Variants in MTR observed in about 807,000 individuals in gnomAD.
MTR encodes the protein methionine synthase.
Under a neutral mutation model 154.8 loss-of-function variants are expected in MTR, and 84 were observed. The ratio of observed to expected loss-of-function variants is 0.54; its 90% CI spans 0.45 to 0.65. MTR has a LOEUF of 0.65. Among genes scored for constraint, MTR ranks in the 30% least tolerant of loss-of-function variants. MTR has a pLI of 0.00. For synonymous variants in MTR, 554 were observed against 553.9 expected (o/e 1.00, Z 0.00); for missense variants, 1,275 against 1,570.2 (o/e 0.81, Z 3.18).
At chr1:236,883,460 G>A (rs952143337) in intron 25 of MTR, among the ~76,000 whole-genome samples, 3 of 152,286 alleles carry the variant, frequency 2.0e-5, no homozygotes, top group South Asian at 4.1e-4. Flanking sequence ...TCAGGGGGTC[G>A]TAGATTCTCT....
intron 15 of MTR, among the ~76,000 whole-genome samples, chr1:236,843,308 C>T (rs1339801716): frequency 6.6e-6 from 1 of 151,986 alleles, no homozygotes; most frequent in African/African-American, 2.4e-5. Context: ...CAGAGGGAAT[C>T]TTGAGGTAGA....
chr1:236,902,955 T>C lies in MTR; in HGVS notation c.*5311T>C, dbSNP rs760390159. On this transcript the variant is annotated 3_prime_UTR_variant, in exon 33 of 33. Coordinates refer to ENST00000366577, the MANE Select transcript of MTR (RefSeq NM_000254.3). ...GATTCGGTGTGTGTATAAGGAAATATACACCAGTATATGCATTAAAACGTC... is the reference window on the plus strand; with the variant it reads ...GATTCGGTGTGTGTATAAGGAAATACACACCAGTATATGCATTAAAACGTC... The C allele has an allele frequency of 3.3e-5, 5 of 152,162 alleles. No individual in the cohort carries two copies. Among genetic ancestry groups the C allele is most frequent in the African/African-American group, 7.2e-5 (3 of 41,436 alleles). The allele number at this position is 152,162 out of a possible 1,614,324, so 9.4% of individuals were successfully genotyped here. A position where few individuals can be genotyped will look rare whatever the true frequency, so the allele number is the denominator to read the frequency against.
chr1:236,897,310 G>GCGCGCGCGCACACACCCACA, intron 32 of MTR, among the ~76,000 whole-genome samples, 192 bp downstream of exon 32: 1 of 128,614 alleles, frequency 7.8e-6, no homozygotes, highest in African/African-American at 2.8e-5. Context: ...CCACACACAC[G>GCGCGCGCGCACACACCCACA]CACACACACA....
chr1:236,815,046 A>G (rs1254011339), intron 6 of MTR, among the ~76,000 whole-genome samples: 2 of 152,246 alleles, frequency 1.3e-5, no homozygotes, highest in Admixed American at 1.3e-4. Context: ...ACAGCACAGA[A>G]TGACATAGGA....
At chr1:236,897,201 A>G in intron 32 of MTR, 83 bp downstream of exon 32, 1 of 1,079,640 alleles carries the variant, frequency 9.3e-7, no homozygotes, top group Non-Finnish European at 1.4e-6. Flanking sequence ...GTGAATGAGA[A>G]TAAAGTGAGG....
Position 236,861,103 on chromosome 1 carries a change from T to TC in MTR, c.2044-22_2044-21insC, listed in dbSNP as rs200224654. ...TTTTTCTTTCTTTCTTTTTCTTTTT[T>TC]TTTTTTTTTTGTCTTTTTTAGGGCA... is the stretch of plus-strand genomic sequence containing the variant. On this transcript the variant is annotated intron_variant, in intron 19 of 32. Coordinates refer to ENST00000366577, the MANE Select transcript of MTR (RefSeq NM_000254.3). 57 of 1,500,028 alleles carry TC rather than the reference T, an allele frequency of 3.8e-5. No homozygotes were observed. In the African/African-American group the frequency reaches 6.5e-4, roughly 17 times the overall value. The allele number at this position is 1,500,028 out of a possible 1,614,324, so 92.9% of individuals were successfully genotyped here.
chr1:236,863,659 A>T (rs1354995429), intron 22 of MTR, 105 bp downstream of exon 22: 3 of 958,902 alleles, frequency 3.1e-6, no homozygotes, highest in Admixed American at 4.0e-5. Flanking sequence ...ATGGCAGTGG[A>T]TGTTAGAGGT....
rs1241862515 is a variant in MTR, at chr1:236,901,703, T to A, written c.*4059T>A. On this transcript the variant is annotated 3_prime_UTR_variant, in exon 33 of 33. Coordinates refer to ENST00000366577, the MANE Select transcript of MTR (RefSeq NM_000254.3). ...GGATGCAGCGGCCAGCTTCTCATGT[T>A]CTCACAGTGGGTGGAGGGTAAGCTT... 6.6e-6 allele frequency: 1 copy of A among 152,282 alleles called. No homozygotes were observed. The highest frequency in any genetic ancestry group is 2.4e-5 in the African/African-American group (1 of 41,440). 9.4% of individuals were successfully genotyped at this position (152,282 alleles called of 1,614,324 possible).
chr1:236,878,993 A>G (rs929776771), intron 24 of MTR, among the ~76,000 whole-genome samples: 3 of 152,210 alleles, frequency 2.0e-5, no homozygotes, highest in African/African-American at 2.4e-5. Flanking sequence ...TTACAAGTGG[A>G]CATACTGTTA....
At chr1:236,804,042 A>G (rs905259166) in intron 2 of MTR, among the ~76,000 whole-genome samples, 1 of 134,912 alleles carries the variant, frequency 7.4e-6, no homozygotes, top group African/African-American at 2.4e-5. Context: ...ATACAAGCAC[A>G]CATTTATTTC....
intron 15 of MTR, among the ~76,000 whole-genome samples, chr1:236,846,308 C>A (rs1040720652): frequency 2.0e-5 from 3 of 152,000 alleles, no homozygotes; most frequent in Non-Finnish European, 2.9e-5. Flanking sequence ...TTCATATAAT[C>A]CTTAGGTTCA....
At chr1:236,863,167 C>A (rs937114943) in intron 21 of MTR, among the ~76,000 whole-genome samples, 1 of 152,206 alleles carries the variant, frequency 6.6e-6, no homozygotes, top group Non-Finnish European at 1.5e-5. Context: ...TAAGTTCCCC[C>A]GCACCCAGAG....
chr1:236,837,247 A>G (rs1454401831), intron 14 of MTR, among the ~76,000 whole-genome samples: 1 of 152,182 alleles, frequency 6.6e-6, no homozygotes, highest in African/African-American at 2.4e-5. Context: ...GCATACTAAG[A>G]AAAAGCAAAA....
intron 3 of MTR, among the ~76,000 whole-genome samples, chr1:236,808,229 A>G (rs762674430): frequency 7.2e-5 from 11 of 152,184 alleles, no homozygotes; most frequent in Non-Finnish European, 1.3e-4. Context: ...GGTGGTTAAT[A>G]ATATGCAAAA....
intron 15 of MTR, among the ~76,000 whole-genome samples, chr1:236,840,894 T>C (rs1315380405): frequency 6.6e-6 from 1 of 152,224 alleles, no homozygotes; most frequent in African/African-American, 2.4e-5. Context: ...GGGATTGCTA[T>C]GTCAAAGAGT....
intron 6 of MTR, among the ~76,000 whole-genome samples, chr1:236,813,133 T>A (rs1661397918): frequency 6.6e-6 from 1 of 152,154 alleles, no homozygotes; most frequent in South Asian, 2.1e-4. Context: ...GGTTCTAAAT[T>A]TGAAAGATAC....
At chr1:236,886,877 TC>T (rs1236157239) in intron 27 of MTR, among the ~76,000 whole-genome samples, 1 of 152,210 alleles carries the variant, frequency 6.6e-6, no homozygotes, top group African/African-American at 2.4e-5. Context: ...GCCTTTGCAT[TC>T]ACACATCTTT....
At position 236,897,645 on chromosome 1, in the gene MTR, C is replaced by CTTTT; in HGVS notation, c.*13_*16dup. 6.6e-7 allele frequency: 1 copy of CTTTT among 1,505,638 alleles called. No individual in the cohort carries two copies. Among genetic ancestry groups the CTTTT allele is most frequent in the Non-Finnish European group, 9.1e-7 (1 of 1,095,386 alleles). 93.3% of individuals were successfully genotyped at this position (1,505,638 alleles called of 1,614,324 possible). A position where few individuals can be genotyped will look rare whatever the true frequency, so the allele number is the denominator to read the frequency against. On this transcript the variant is annotated 3_prime_UTR_variant, in exon 33 of 33. Transcript: ENST00000366577. ...CATTTTGGGATATGATACAGACTAA[C>CTTTT]TTTTTTTTTTTTTTTGCCTTTTTTA...
rs186759925 is a variant in MTR at position 236,864,495 on chromosome 1, G to A, written c.2405+941G>A. Among the ~76,000 whole-genome samples the A allele has an allele frequency of 4.2e-3, 635 of 152,194 alleles. 9 individuals carry two copies. The highest frequency in any genetic ancestry group is 0.015 in the African/African-American group (614 of 41,542). On this transcript the variant is annotated intron_variant, in intron 22 of 32. Coordinates refer to ENST00000366577, the MANE Select transcript of MTR (RefSeq NM_000254.3). ...AAGGCATTTTTTTTTCCCTCTGACTGTCTTCACAAGCATTTCTATTTACCT... is the reference window on the plus strand; with the variant it reads ...AAGGCATTTTTTTTTCCCTCTGACTATCTTCACAAGCATTTCTATTTACCT...
Sources: gnomAD v4.1 joint callset for allele counts (sites outside exome capture counted in the v4.1 genomes callset) on GRCh38, gnomAD v4.1.1 for gene constraint, MANE v1.5 for transcripts, NCBI Gene and HGNC (gene_info 2026-07-23, HGNC 2026-07-21) for gene names.